HECW1: variants seen among roughly 807,000 people sequenced by gnomAD.
HECW1 encodes HECT, C2 and WW domain containing E3 ubiquitin protein ligase 1.
HECW1 carries 61 observed loss-of-function variants against 182.3 expected under a neutral mutation model. That is an observed-to-expected ratio of 0.33 (90% CI 0.27 to 0.41). The LOEUF is 0.41. HECW1 is among the 10% of genes least tolerant of loss of function. HECW1 has a pLI of 1.00. For missense variants in HECW1, 1,739 were observed against 2,108.9 expected (o/e 0.82, Z 3.44); for synonymous variants, 859 against 832.6 (o/e 1.03, Z -0.55).
intron 2 of HECW1, among the ~76,000 whole-genome samples, chr7:43,215,608 A>G (rs1016796581): frequency 6.6e-6 from 1 of 152,234 alleles, no homozygotes. Flanking sequence ...CTTTGCAGTC[A>G]GAAAATGTTA....
intron 2 of HECW1, among the ~76,000 whole-genome samples, chr7:43,164,418 G>C (rs972110792): frequency 3.9e-5 from 6 of 152,302 alleles, no homozygotes; most frequent in African/African-American, 1.4e-4. Context: ...GGGCCTCCTG[G>C]GGGAAGATTC....
rs146094294 is a variant in HECW1, at chr7:43,435,247, T to C, written c.802-2756T>C. 5.6e-3 allele frequency among the ~76,000 whole-genome samples: 846 copies of C among 152,204 alleles called. 7 individuals carry two copies. Among genetic ancestry groups the C allele is most frequent in the African/African-American group, 0.02 (824 of 41,546 alleles). On this transcript the variant is annotated intron_variant, in intron 8 of 29. Transcript: ENST00000395891. Reference sequence around the variant, plus strand: ...GGTATTTAGATTAGAAGATATATTATAATACACTCCAGAATGGAATAACTG... The same window carrying C: ...GGTATTTAGATTAGAAGATATATTACAATACACTCCAGAATGGAATAACTG...
At chr7:43,161,077 C>G (rs1245908300) in intron 2 of HECW1, among the ~76,000 whole-genome samples, 1 of 151,702 alleles carries the variant, frequency 6.6e-6, no homozygotes, top group Non-Finnish European at 1.5e-5. Flanking sequence ...GGGGCTGGGA[C>G]CTTTGAAAAC....
chr7:43,535,070 A>T (rs1013435469), intron 24 of HECW1, among the ~76,000 whole-genome samples: 1 of 152,198 alleles, frequency 6.6e-6, no homozygotes, highest in African/African-American at 2.4e-5. Flanking sequence ...CCAAAGTCAC[A>T]CAGGTCACAA....
chr7:43,503,012 A>G (rs1309340850), intron 21 of HECW1, among the ~76,000 whole-genome samples: 1 of 152,192 alleles, frequency 6.6e-6, no homozygotes, highest in African/African-American at 2.4e-5. Context: ...AGACTAGAGT[A>G]TCTTTTAGTC....
intron 5 of HECW1, among the ~76,000 whole-genome samples, chr7:43,322,928 C>T (rs1810318344): frequency 6.6e-6 from 1 of 152,164 alleles, no homozygotes; most frequent in Admixed American, 6.5e-5. Context: ...GGTGCTGGCA[C>T]AAACACAACT....
rs765849775 is a variant in HECW1, at chr7:43,445,331, C to A, written c.2159C>A (p.Ser720Tyr). The change falls in exon 11 of 30, where the codon TCC becomes TAC. Residue 720 changes from serine (S) to tyrosine (Y), a missense_variant. Transcript: ENST00000395891. ...AGGTTCGCCAGCCACACGCGCTTCT[C>A]CTCCGTGGACAGCGCCAAGATCTCC... ...GNRFASHTRF[S>Y]SVDSAKISES... The A allele has an allele frequency of 1.2e-5, 19 of 1,613,812 alleles. No individual in the cohort carries two copies. The East Asian group carries it at 3.8e-4, about 32-fold the overall frequency.
intron 3 of HECW1, among the ~76,000 whole-genome samples, chr7:43,261,996 G>C (rs529723707): frequency 6.6e-6 from 1 of 152,194 alleles, no homozygotes; most frequent in South Asian, 2.1e-4. Flanking sequence ...CAAGGCAGGA[G>C]AATCACTTGA....
intron 1 of HECW1, 49 bp from the exon 2 acceptor site, chr7:43,114,108 C>A: frequency 1.8e-6 from 1 of 548,868 alleles, no homozygotes; most frequent in Non-Finnish European, 3.0e-6. Context: ...CTCTTGGAAT[C>A]TGCAGTGGTG....
In HECW1 at chr7:43,444,394, C is replaced by A; in HGVS notation, c.1222C>A (p.Gln408Lys). 1 of 1,614,036 alleles carries A rather than the reference C, an allele frequency of 6.2e-7. No individual in the cohort carries two copies. The highest frequency in any genetic ancestry group is 8.5e-7 in the Non-Finnish European group (1 of 1,179,970). The change falls in exon 11 of 30, where the codon CAA (glutamine) becomes AAA (lysine). Residue 408 changes from glutamine to lysine, a missense_variant. Coordinates refer to ENST00000395891, the MANE Select transcript of HECW1 (RefSeq NM_015052.5). This position sits in a 1 kb window ranked among gnomAD's most constrained non-coding sequence, Gnocchi z 4.3. ...CAGTGTCCCCGATGGTCCAGGGAAC[C>A]AAAGCATAGAGCTTTCCAGACCAGC... is the stretch of plus-strand genomic sequence containing the variant. ...EGSVPDGPGN[Q>K]SIELSRPAEE...
At chr7:43,153,565 T>C (rs773441410) in intron 2 of HECW1, among the ~76,000 whole-genome samples, 1 of 152,170 alleles carries the variant, frequency 6.6e-6, no homozygotes, top group Non-Finnish European at 1.5e-5. Context: ...TTTCTTTGTA[T>C]TGGTTGTGCA....
intron 2 of HECW1, among the ~76,000 whole-genome samples, chr7:43,197,430 T>TTCTC (rs1794566908): frequency 1.3e-5 from 2 of 152,162 alleles, no homozygotes; most frequent in African/African-American, 4.8e-5. Flanking sequence ...GAGGCATTGA[T>TTCTC]TAGCCCCCTG....
chr7:43,126,462 T>C (rs6978743), intron 2 of HECW1, among the ~76,000 whole-genome samples: 79,384 of 152,040 alleles, frequency 0.52, 20,951 homozygotes, highest in East Asian at 0.58. Context: ...GCTACTGCCA[T>C]GCTATAATGG....
At chr7:43,260,647 C>G (rs1801077434) in intron 3 of HECW1, among the ~76,000 whole-genome samples, 4 of 152,118 alleles carry the variant, frequency 2.6e-5, no homozygotes, top group Admixed American at 2.6e-4. Flanking sequence ...ATGATGGTGG[C>G]TTGGACTAGT....
intron 3 of HECW1, among the ~76,000 whole-genome samples, chr7:43,269,911 C>T (rs75329255): frequency 0.014 from 2,152 of 152,238 alleles, 48 homozygotes; most frequent in African/African-American, 0.049. Context: ...ATGGGACAAC[C>T]GCCATAACAA....
chr7:43,482,158 G>A (rs1019733012), intron 17 of HECW1, among the ~76,000 whole-genome samples: 1 of 152,088 alleles, frequency 6.6e-6, no homozygotes, highest in Non-Finnish European at 1.5e-5. Flanking sequence ...TGACAGAAGA[G>A]GACACCAAGA....
At chr7:43,286,075 G>C (rs1804599549) in intron 3 of HECW1, among the ~76,000 whole-genome samples, 1 of 152,146 alleles carries the variant, frequency 6.6e-6, no homozygotes, top group Non-Finnish European at 1.5e-5. Flanking sequence ...CCATGTCCAA[G>C]ATGGAAAGGA....
intron 8 of HECW1, among the ~76,000 whole-genome samples, chr7:43,412,317 T>A (rs1050549261): frequency 2.6e-5 from 4 of 152,056 alleles, no homozygotes; most frequent in African/African-American, 9.7e-5. Flanking sequence ...TACATGACGA[T>A]GTTAAAAATT....
chr7:43,247,758 GGA>G (rs1799531029), intron 3 of HECW1, among the ~76,000 whole-genome samples: 3 of 23,398 alleles, frequency 1.3e-4, no homozygotes, highest in South Asian at 2.3e-3. Flanking sequence ...AGGGAGGAAG[GGA>G]AAGAGAGGAA....
Sources: allele counts gnomAD v4.1 joint callset (sites outside exome capture counted in the v4.1 genomes callset), GRCh38; gene constraint gnomAD v4.1.1; non-coding constraint Gnocchi (gnomAD v3.1); transcripts MANE v1.5; gene names NCBI Gene and HGNC (gene_info 2026-07-23, HGNC 2026-07-21).